RIPOR2: variants seen among roughly 807,000 people sequenced by gnomAD.
The protein encoded by RIPOR2 is RHO family interacting cell polarization regulator 2.
A neutral mutation model predicts 114.5 loss-of-function variants in RIPOR2; 39 were observed. The observed-to-expected ratio is 0.34, with a 90% confidence interval of 0.26 to 0.44. The LOEUF (loss-of-function observed/expected upper bound fraction) is 0.44. RIPOR2 is among the 20% of genes least tolerant of loss of function. RIPOR2 has a pLI of 1.00. For synonymous variants in RIPOR2, 445 were observed against 484.4 expected, an observed-to-expected ratio of 0.92 and a Z score of 1.07; for missense variants, 1,007 against 1,255.1, an observed-to-expected ratio of 0.80 and a Z score of 2.99.
intron 11 of RIPOR2, among the ~76,000 whole-genome samples, chr6:24,849,433 G>T (rs1389855828): frequency 6.6e-6 from 1 of 152,162 alleles, no homozygotes; most frequent in Non-Finnish European, 1.5e-5. Context: ...TGAGGTCAAA[G>T]TACCGCCTAT....
intron 12 of RIPOR2, among the ~76,000 whole-genome samples, chr6:24,846,124 C>A (rs1762241460): frequency 6.6e-6 from 1 of 152,084 alleles, no homozygotes. Flanking sequence ...CCCACAACCC[C>A]CAACCTGTAG....
intron 1 of RIPOR2, among the ~76,000 whole-genome samples, chr6:24,955,541 T>G (rs933344090): frequency 6.6e-6 from 1 of 152,008 alleles, no homozygotes; most frequent in Non-Finnish European, 1.5e-5. Context: ...TAAACCATTC[T>G]CCCTATCTCA....
intron 1 of RIPOR2, among the ~76,000 whole-genome samples, chr6:24,892,547 T>C (rs554448517): frequency 6.6e-6 from 1 of 152,228 alleles, no homozygotes; most frequent in Non-Finnish European, 1.5e-5. Context: ...CCATTTTTTT[T>C]CTAGTTCACT....
rs1262801750 is a variant in RIPOR2 at position 25,023,792 on chromosome 6, TTCACGGGGAC to T, written c.76+18049_76+18058del. The T allele has an allele frequency of 1.7e-5, 13 of 779,536 alleles. No homozygotes were observed. The African/African-American group carries it at 2.0e-4, about 12-fold the overall frequency. 48.3% of individuals were successfully genotyped at this position (779,536 alleles called of 1,614,324 possible). A position where few individuals can be genotyped will look rare whatever the true frequency, so the allele number is the denominator to read the frequency against. On this transcript the variant is annotated intron_variant, in intron 1 of 13. Transcript: ENST00000510784. ...GGAGCCATCGTTGACGTTGGTCACC[TTCACGGGGAC>T]CCCTTTTTTAACTCGATCTCGAGGA...
At chr6:25,005,548 G>GA (rs530230935) in intron 1 of RIPOR2, among the ~76,000 whole-genome samples, 1 of 150,514 alleles carries the variant, frequency 6.6e-6, no homozygotes, top group Non-Finnish European at 1.5e-5. Flanking sequence ...CTTAGTCAAT[G>GA]AAAAAAAATT....
chr6:24,868,751 A>G (rs1279651030), intron 6 of RIPOR2, among the ~76,000 whole-genome samples: 3 of 152,220 alleles, frequency 2.0e-5, no homozygotes, highest in African/African-American at 7.2e-5. Flanking sequence ...GTGGAACCAG[A>G]GTGTAAAGTT....
chr6:24,940,090 G>A (rs1772040589), upstream of RIPOR2, among the ~76,000 whole-genome samples: 1 of 152,186 alleles, frequency 6.6e-6, no homozygotes, highest in African/African-American at 2.4e-5. Flanking sequence ...ATATATAAGT[G>A]AGAAGGCATG....
chr6:24,843,567 GAT>G lies in RIPOR2; in HGVS notation c.1165-15_1165-14del. 6.8e-7 allele frequency: 1 copy of G among 1,467,014 alleles called. No homozygotes were observed. Among genetic ancestry groups the G allele is most frequent in the Non-Finnish European group, 9.1e-7 (1 of 1,098,052 alleles). The allele number at this position is 1,467,014 out of a possible 1,614,324, so 90.9% of individuals were successfully genotyped here. ...CAGGTAGATTTGACTATAGATAAAA[GAT>G]ACCTCATTATTATTTTCAATACAAA... On this transcript the variant is annotated splice_polypyrimidine_tract_variant and intron_variant, in intron 12 of 21. Transcript: ENST00000643898.
intron 1 of RIPOR2, among the ~76,000 whole-genome samples, chr6:24,950,686 G>T (rs772605436): frequency 2.6e-5 from 4 of 152,206 alleles, no homozygotes; most frequent in Non-Finnish European, 5.9e-5. Flanking sequence ...AGTCAAACCT[G>T]TGGAAACCTA....
intron 1 of RIPOR2, among the ~76,000 whole-genome samples, chr6:24,981,486 C>A (rs1354681947): frequency 6.6e-6 from 1 of 152,208 alleles, no homozygotes; most frequent in African/African-American, 2.4e-5. Context: ...CCCCCACAGC[C>A]CCCACTGCCC....
Position 24,875,777 on chromosome 6 carries a change from G to C in RIPOR2, c.102C>G (p.Ser34=), listed in dbSNP as rs1425366269. The change falls in exon 2 of 22, where the codon TCC becomes TCG. Residue 34 remains serine (S), a synonymous_variant. Transcript: ENST00000643898. Reference sequence around the variant, plus strand: ...TGGGCCCTCCAGGCGAAAAAGACTGGGATCCTACCAACATGATTTCCGGGA... The same window carrying C: ...TGGGCCCTCCAGGCGAAAAAGACTGCGATCCTACCAACATGATTTCCGGGA... ...TRLPEIMLVG[S]QSFSPGGPNG... 2 of 1,613,342 alleles carry C rather than the reference G, an allele frequency of 1.2e-6. No individual in the cohort carries two copies. The highest frequency in any genetic ancestry group is 1.7e-5 in the Admixed American group (1 of 59,956).
chr6:24,958,076 A>G (rs1773124970), intron 1 of RIPOR2, among the ~76,000 whole-genome samples: 2 of 152,192 alleles, frequency 1.3e-5, no homozygotes, highest in Non-Finnish European at 2.9e-5. Context: ...AACAAAAAAT[A>G]TACACAAAGA....
intron 6 of RIPOR2, among the ~76,000 whole-genome samples, chr6:24,868,782 G>T (rs936257185): frequency 5.9e-5 from 9 of 152,314 alleles, no homozygotes; most frequent in African/African-American, 2.2e-4. Context: ...GAAGTTTTTT[G>T]TAGGGCTAGT....
intron 1 of RIPOR2, among the ~76,000 whole-genome samples, chr6:24,913,641 T>C (rs747894007): frequency 2.6e-5 from 4 of 152,174 alleles, no homozygotes; most frequent in African/African-American, 4.8e-5. Flanking sequence ...TCCTAGAGCT[T>C]AGTCTAAAGG....
At chr6:24,875,966 G>T in intron 1 of RIPOR2, 149 bp from the exon 2 acceptor site, 1 of 726,744 alleles carries the variant, frequency 1.4e-6, no homozygotes, top group Middle Eastern at 2.6e-4. Flanking sequence ...TCCTGAAGAC[G>T]AAGGGTTCAA....
In RIPOR2 at chr6:24,828,179, C is replaced by T. The variant is rs538212854; in HGVS notation, c.2623G>A (p.Val875Ile). ...CTCAGGTAACTCTCCAGGTCACTGA[C>T]GCCGTGGCTGGTGAAGTAACTGTAA... Reference protein sequence around the residue: ...QYYSYFTSHGVSDLESYLSQL... With the variant: ...QYYSYFTSHGISDLESYLSQL... Residue 875 changes from valine (V) to isoleucine (I), a missense_variant, in exon 18 of 22, where the codon GTC (valine) becomes ATC (isoleucine). Transcript: ENST00000643898. 6.3e-5 allele frequency: 97 copies of T among 1,550,544 alleles called. 2 individuals are homozygous for T. In the South Asian group the frequency reaches 8.6e-4, roughly 14 times the overall value.
intron 3 of RIPOR2, 26 bp from the exon 4 acceptor site, chr6:24,872,985 C>T (rs375130319): frequency 4.7e-6 from 7 of 1,500,356 alleles, no homozygotes; most frequent in African/African-American, 4.1e-5. Context: ...AAGATGTAAT[C>T]GTAATCTCTG....
chr6:25,026,056 T>TG (rs1776605492), intron 1 of RIPOR2, among the ~76,000 whole-genome samples: 1 of 152,040 alleles, frequency 6.6e-6, no homozygotes, highest in African/African-American at 2.4e-5. Context: ...TTTTTTTTTT[T>TG]TGTTTCTGAG....
At chr6:24,944,599 A>G (rs543967513) in intron 1 of RIPOR2, among the ~76,000 whole-genome samples, 1 of 152,340 alleles carries the variant, frequency 6.6e-6, no homozygotes, top group Admixed American at 6.5e-5. Flanking sequence ...ATACACAGGA[A>G]AAATAAACAA....
Sources: gnomAD v4.1 joint callset for allele counts (sites outside exome capture counted in the v4.1 genomes callset) on GRCh38, gnomAD v4.1.1 for gene constraint, MANE v1.5 for transcripts, NCBI Gene and HGNC (gene_info 2026-07-23, HGNC 2026-07-21) for gene names.